Variants in YAP1 observed in about 807,000 individuals in gnomAD.
YAP1 encodes the protein transcriptional coactivator YAP1.
YAP1 carries 5 observed loss-of-function variants against 56.9 expected under a neutral mutation model. That is an observed-to-expected ratio of 0.09 (90% CI 0.05 to 0.18). The LOEUF (loss-of-function observed/expected upper bound fraction) is 0.18, where lower values mean the gene tolerates loss of function less well. Among genes scored for constraint, YAP1 ranks in the 10% least tolerant of loss-of-function variants. The pLI, the probability that YAP1 is intolerant of heterozygous loss-of-function variation, is 1.00. For missense variants in YAP1, 539 were observed against 651.8 expected, an observed-to-expected ratio of 0.83 and a Z score of 1.88; for synonymous variants, 265 against 248.1, an observed-to-expected ratio of 1.07 and a Z score of -0.64.
intron 3 of YAP1, among the ~76,000 whole-genome samples, chr11:102,168,016 C>T (rs1335323259): frequency 6.6e-6 from 1 of 152,044 alleles, no homozygotes; most frequent in Non-Finnish European, 1.5e-5. Context: ...TGCATTCCAG[C>T]CTGGACAACA....
chr11:102,222,327 T>A (rs1949973948), intron 6 of YAP1, among the ~76,000 whole-genome samples: 1 of 152,138 alleles, frequency 6.6e-6, no homozygotes, highest in African/African-American at 2.4e-5. Flanking sequence ...GATGGTCTAG[T>A]AGAGATGATG....
intron 1 of YAP1, chr11:102,112,592 A>G (rs1943022472): frequency 1.0e-6 from 1 of 984,156 alleles, no homozygotes; most frequent in South Asian, 4.7e-5. Context: ...TCCCTCTCCT[A>G]TTTGCAGGCC....
chr11:102,131,057 A>G (rs1944344554), intron 2 of YAP1, among the ~76,000 whole-genome samples: 1 of 152,128 alleles, frequency 6.6e-6, no homozygotes, highest in Non-Finnish European at 1.5e-5. Flanking sequence ...CATACTGCAG[A>G]TAAGAATTTG....
intron 4 of YAP1, among the ~76,000 whole-genome samples, chr11:102,191,606 A>G (rs1195826481): frequency 1.3e-5 from 2 of 152,218 alleles, no homozygotes; most frequent in Non-Finnish European, 2.9e-5. Context: ...ATGCACTTGC[A>G]TCTTGTATTG....
intron 2 of YAP1, among the ~76,000 whole-genome samples, chr11:102,118,774 T>C (rs1943464837): frequency 6.6e-6 from 1 of 151,008 alleles, no homozygotes; most frequent in African/African-American, 2.4e-5. Context: ...ACTATGAACA[T>C]ATACAGTGTA....
chr11:102,196,215 A>T (rs1299082656), intron 4 of YAP1, among the ~76,000 whole-genome samples: 3 of 152,036 alleles, frequency 2.0e-5, no homozygotes. Context: ...TTGGGAACGT[A>T]TGTCTCCACG....
chr11:102,169,911 G>A (rs1321262870), intron 3 of YAP1, among the ~76,000 whole-genome samples: 3 of 152,050 alleles, frequency 2.0e-5, no homozygotes, highest in African/African-American at 7.2e-5. Flanking sequence ...AATAAAATAT[G>A]CCAATATGGA....
intron 2 of YAP1, among the ~76,000 whole-genome samples, chr11:102,134,947 C>A (rs1490401744): frequency 6.6e-6 from 1 of 152,200 alleles, no homozygotes. Context: ...GGCGCAGCCT[C>A]AGCTCACTGC....
chr11:102,222,474 C>T (rs1949980576), intron 6 of YAP1, among the ~76,000 whole-genome samples: 1 of 152,100 alleles, frequency 6.6e-6, no homozygotes, highest in Non-Finnish European at 1.5e-5. Context: ...TTTTTGAGGT[C>T]CTGGGCAAAT....
At chr11:102,168,744 TC>T (rs1285543680) in intron 3 of YAP1, among the ~76,000 whole-genome samples, 1 of 152,216 alleles carries the variant, frequency 6.6e-6, no homozygotes, top group Non-Finnish European at 1.5e-5. Context: ...AAGGTTTGCC[TC>T]TTGTGTTCTC....
In YAP1 at chr11:102,230,685, G is replaced by C. The variant is rs1210299829; in HGVS notation, c.*745G>C. The C allele has an allele frequency of 4.6e-5, 7 of 152,466 alleles. No homozygotes were observed. The highest frequency in any genetic ancestry group is 1.3e-4 in the Admixed American group (2 of 15,256). 9.4% of individuals were successfully genotyped at this position (152,466 alleles called of 1,614,324 possible). A position where few individuals can be genotyped will look rare whatever the true frequency, so the allele number is the denominator to read the frequency against. On this transcript the variant is annotated 3_prime_UTR_variant, in exon 9 of 9. Transcript: ENST00000282441. ...TTTTTGTTTTTTTTGTTTTTGGCAG[G>C]GTCGGTGGGGGGGTTGGTTGGTTGG...
At chr11:102,187,497 G>A (rs1416752903) in intron 4 of YAP1, among the ~76,000 whole-genome samples, 1 of 152,160 alleles carries the variant, frequency 6.6e-6, no homozygotes, top group Non-Finnish European at 1.5e-5. Flanking sequence ...CAATTGTTTG[G>A]ACTGGAACAA....
intron 2 of YAP1, among the ~76,000 whole-genome samples, chr11:102,136,083 G>A (rs1944658141): frequency 6.6e-6 from 1 of 152,166 alleles, no homozygotes; most frequent in Admixed American, 6.5e-5. Flanking sequence ...TGGAATTGCT[G>A]GGTCACAGGG....
At chr11:102,161,138 G>C (rs1185632086) in intron 2 of YAP1, among the ~76,000 whole-genome samples, 1 of 135,646 alleles carries the variant, frequency 7.4e-6, no homozygotes, top group Non-Finnish European at 1.5e-5. Flanking sequence ...TCGGCTCACT[G>C]CAAGTTCCGC....
At chr11:102,148,797 A>G (rs552152795) in intron 2 of YAP1, among the ~76,000 whole-genome samples, 22 of 152,272 alleles carry the variant, frequency 1.4e-4, no homozygotes, top group African/African-American at 4.3e-4. Context: ...GAGATTTAAT[A>G]TAGGAGGAAA....
rs745740006 is a variant in YAP1, at chr11:102,110,836, G to A, written c.-13G>A. On this transcript the variant is annotated 5_prime_UTR_variant, in exon 1 of 9. Coordinates refer to ENST00000282441, the MANE Select transcript of YAP1 (RefSeq NM_001130145.3). ...CCTGGGTCAGGGGGTGCGCGTCGGG[G>A]GAGGCAGAAGCCATGGATCCCGGGC... 5 of 1,393,256 alleles carry A rather than the reference G, an allele frequency of 3.6e-6. No individual in the cohort carries two copies. In the South Asian group the frequency reaches 4.5e-5, roughly 13 times the overall value. The allele number at this position is 1,393,256 out of a possible 1,614,324, so 86.3% of individuals were successfully genotyped here.
In YAP1 at chr11:102,188,536, C is replaced by T. The variant is rs981101711; in HGVS notation, c.802+2405C>T. On this transcript the variant is annotated intron_variant, in intron 4 of 8. Transcript: ENST00000282441. ...GTCAGCGGCAGACCACATATACAGT[C>T]GTGGTCCTATATGATTCTAATACTG... is the stretch of plus-strand genomic sequence containing the variant. Among the ~76,000 whole-genome samples, 23 of 152,186 alleles carry T rather than the reference C, an allele frequency of 1.5e-4. No individual in the cohort carries two copies. The East Asian group carries it at 1.5e-3, about 10-fold the overall frequency.
At chr11:102,183,775 G>A (rs2135497748) in intron 3 of YAP1, among the ~76,000 whole-genome samples, 1 of 150,410 alleles carries the variant, frequency 6.6e-6, no homozygotes, top group Non-Finnish European at 1.5e-5. Context: ...TATTCAAGCA[G>A]GCTTGAAAGC....
chr11:102,116,972 G>A (rs1229508829), intron 2 of YAP1, among the ~76,000 whole-genome samples: 1 of 152,168 alleles, frequency 6.6e-6, no homozygotes, highest in African/African-American at 2.4e-5. Flanking sequence ...ATTTTAAAGA[G>A]TATCTGCTTT....
Sources: allele counts gnomAD v4.1 joint callset (sites outside exome capture counted in the v4.1 genomes callset), GRCh38; gene constraint gnomAD v4.1.1; transcripts MANE v1.5; gene names NCBI Gene and HGNC (gene_info 2026-07-23, HGNC 2026-07-21).